Variants in SHB observed in about 807,000 individuals in gnomAD.
SHB encodes the protein SH2 domain-containing adapter protein B.
In SHB, 20 loss-of-function variants were observed where a neutral mutation model predicts 52.3. That is an observed-to-expected ratio of 0.38 (90% CI 0.27 to 0.56). SHB has a LOEUF of 0.56. Among genes scored for constraint, SHB ranks in the 20% least tolerant of loss-of-function variants. The pLI is 0.71. For synonymous variants in SHB, 397 were observed against 316.5 expected (o/e 1.25, Z -2.70); for missense variants, 825 against 723.3 (o/e 1.14, Z -1.61).
At chr9:37,996,525 A>G (rs1820948277) in intron 2 of SHB, among the ~76,000 whole-genome samples, 1 of 152,222 alleles carries the variant, frequency 6.6e-6, no homozygotes, top group Non-Finnish European at 1.5e-5. Flanking sequence ...TGGTAATTCA[A>G]TGAACACTTA....
intron 2 of SHB, among the ~76,000 whole-genome samples, chr9:37,984,750 T>C: frequency 6.6e-6 from 1 of 152,068 alleles, no homozygotes; most frequent in East Asian, 1.9e-4. Flanking sequence ...ACCAGCCAAG[T>C]TCCAGGTGCC....
chr9:37,982,469 G>T (rs1202018885), intron 2 of SHB, among the ~76,000 whole-genome samples: 1 of 151,944 alleles, frequency 6.6e-6, no homozygotes, highest in African/African-American at 2.4e-5. Flanking sequence ...CTCCAGCCGG[G>T]GCAAAAGAGC....
At chr9:37,969,580 C>T (rs1278635812) in intron 3 of SHB, among the ~76,000 whole-genome samples, 4 of 152,234 alleles carry the variant, frequency 2.6e-5, no homozygotes, top group Admixed American at 6.5e-5. Flanking sequence ...AGTCCTCACA[C>T]TGGTCCTTCA....
chr9:38,057,132 T>G (rs545159653), intron 1 of SHB, among the ~76,000 whole-genome samples: 4 of 152,330 alleles, frequency 2.6e-5, no homozygotes, highest in Admixed American at 1.3e-4. Context: ...TACAAAGATG[T>G]TCATTACGGC....
At chr9:38,009,135 C>A (rs540633387) in intron 2 of SHB, among the ~76,000 whole-genome samples, 5 of 152,224 alleles carry the variant, frequency 3.3e-5, no homozygotes, top group Non-Finnish European at 1.5e-5. Context: ...TTCTGAGAAG[C>A]ATTTGCCGGT....
At chr9:38,044,480 T>C (rs1293029663) in intron 1 of SHB, among the ~76,000 whole-genome samples, 1 of 152,226 alleles carries the variant, frequency 6.6e-6, no homozygotes, top group Non-Finnish European at 1.5e-5. Context: ...CCTGAATCCT[T>C]TGCAGATCAC....
intron 5 of SHB, among the ~76,000 whole-genome samples, chr9:37,933,207 G>C (rs1832333295): frequency 6.6e-6 from 1 of 152,164 alleles, no homozygotes; most frequent in Admixed American, 6.5e-5. Context: ...ACTCCCAATA[G>C]TTCTTGGGAA....
chr9:38,010,090 AGAGT>A (rs1439204455), intron 2 of SHB, among the ~76,000 whole-genome samples: 2 of 152,198 alleles, frequency 1.3e-5, no homozygotes, highest in Non-Finnish European at 2.9e-5. Context: ...GACAGATGAG[AGAGT>A]GTTTTAGTTG....
chr9:37,938,498 T>C (rs538388932), intron 5 of SHB, among the ~76,000 whole-genome samples: 3 of 152,296 alleles, frequency 2.0e-5, no homozygotes, highest in South Asian at 4.1e-4. Context: ...TGGAAAGAAA[T>C]GTTTTTCTCA....
chr9:37,981,220 G>A (rs960147244), intron 2 of SHB, among the ~76,000 whole-genome samples: 5 of 152,212 alleles, frequency 3.3e-5, no homozygotes, highest in African/African-American at 1.2e-4. Context: ...CTGAAAATCT[G>A]TTGTTTTGCA....
At chr9:37,942,769 T>C (rs1366782992) in intron 5 of SHB, among the ~76,000 whole-genome samples, 1 of 152,174 alleles carries the variant, frequency 6.6e-6, no homozygotes, top group Non-Finnish European at 1.5e-5. Context: ...CCTCTCCATC[T>C]TGAAAAGGGC....
chr9:37,997,307 CTACGAAACCACTGGTG>C (rs973826622), intron 2 of SHB, among the ~76,000 whole-genome samples: 15 of 152,204 alleles, frequency 9.9e-5, no homozygotes, highest in Non-Finnish European at 1.9e-4. Context: ...AGCTCAGCAC[CTACGAAACCACTGGTG>C]GGTCCCCAGA....
intron 3 of SHB, among the ~76,000 whole-genome samples, chr9:37,958,231 G>A (rs780369547): frequency 2.0e-5 from 3 of 152,210 alleles, no homozygotes; most frequent in Non-Finnish European, 2.9e-5. Flanking sequence ...GGCAGTGCCC[G>A]CCAGTGGTCA....
Position 37,919,503 on chromosome 9 carries a change from C to T in SHB, c.*318G>A. 5.3e-6 allele frequency: 1 copy of T among 189,186 alleles called. No homozygotes were observed. Among genetic ancestry groups the T allele is most frequent in the South Asian group, 1.0e-4 (1 of 9,818 alleles). The allele number at this position is 189,186 out of a possible 1,614,324, so 11.7% of individuals were successfully genotyped here. A position where few individuals can be genotyped will look rare whatever the true frequency, so the allele number is the denominator to read the frequency against. The stretch of plus-strand genomic sequence containing the variant: ...CAGGGAGCTCCCGCCCCACCCTACC[C>T]CGCCCCTCGGAGCTGGTCTGCCTTT... On this transcript the variant is annotated 3_prime_UTR_variant, in exon 6 of 6. Coordinates refer to ENST00000377707, the MANE Select transcript of SHB (RefSeq NM_003028.3).
At chr9:38,052,984 C>T (rs1821769889) in intron 1 of SHB, among the ~76,000 whole-genome samples, 1 of 152,210 alleles carries the variant, frequency 6.6e-6, no homozygotes, top group South Asian at 2.1e-4. Context: ...TGAGAATGTG[C>T]CTATGGGGAG....
intron 1 of SHB, among the ~76,000 whole-genome samples, chr9:38,051,234 G>A (rs571551304): frequency 3.3e-4 from 50 of 152,182 alleles, no homozygotes; most frequent in Admixed American, 6.5e-4. Flanking sequence ...GAGGTCAGGA[G>A]ATCGCGACCA....
Position 37,936,040 on chromosome 9 carries a change from TA to T in SHB, c.1346+12594del, listed in dbSNP as rs1223430103. On this transcript the variant is annotated intron_variant, in intron 5 of 5. Transcript: ENST00000377707. ...CAACATGGTGAAACCCCGTCTCTAC[TA>T]AAAAAAAAAAAAAAAAATACAACAA... Among the ~76,000 whole-genome samples, 790 of 122,540 alleles carry T rather than the reference TA, an allele frequency of 6.4e-3. 2 individuals are homozygous for T. The highest frequency in any genetic ancestry group is 0.012 in the East Asian group (53 of 4,320). 80.4% of individuals were successfully genotyped at this position (122,540 alleles called of 152,430 possible).
intron 1 of SHB, among the ~76,000 whole-genome samples, chr9:38,040,421 T>A (rs1160315682): frequency 6.6e-6 from 1 of 152,074 alleles, no homozygotes; most frequent in Non-Finnish European, 1.5e-5. Flanking sequence ...AAGGGAGGCC[T>A]CCCCAGACAT....
At chr9:38,049,739 C>G (rs895573327) in intron 1 of SHB, among the ~76,000 whole-genome samples, 7 of 152,044 alleles carry the variant, frequency 4.6e-5, no homozygotes, top group Admixed American at 4.6e-4. Context: ...TAACACTGGC[C>G]CACACTGCTT....
Sources: gnomAD v4.1 joint callset for allele counts (sites outside exome capture counted in the v4.1 genomes callset) on GRCh38, gnomAD v4.1.1 for gene constraint, MANE v1.5 for transcripts, NCBI Gene and HGNC (gene_info 2026-07-23, HGNC 2026-07-21) for gene names.